The following KCTD17 variants were observed in gnomAD, a reference collection of about 807,000 sequenced individuals.
KCTD17 encodes the protein potassium channel tetramerization domain containing 17, also known as BTB/POZ domain-containing protein KCTD17.
In KCTD17, 20 loss-of-function variants were observed where a neutral mutation model predicts 41.5. That is an observed-to-expected ratio of 0.48 (90% confidence interval 0.34 to 0.70). KCTD17 has a LOEUF of 0.70. Among genes scored for constraint, KCTD17 ranks in the 30% least tolerant of loss-of-function variants. The pLI is 0.01. For missense variants in KCTD17, 317 were observed against 427.2 expected (o/e 0.74, Z 2.27); for synonymous variants, 156 against 173.8 (o/e 0.90, Z 0.80).
At chr22:37,057,579 C>T (rs1925294480) in intron 4 of KCTD17, 86 bp downstream of exon 4, 1 of 1,077,670 alleles carries the variant, frequency 9.3e-7, no homozygotes, top group Non-Finnish European at 1.4e-6. Flanking sequence ...TCCTGCAGCC[C>T]CAGCCTTGGG....
In KCTD17 at chr22:37,062,547, G is replaced by A. The variant is rs143403650; in HGVS notation, c.898G>A (p.Gly300Arg). Reference sequence around the variant, plus strand: ...TAGCTGTTACAAGCCAGAGGCACCCGGATGTGAGGCCCCAGATCACCTCCA... The same window carrying A: ...TAGCTGTTACAAGCCAGAGGCACCCAGATGTGAGGCCCCAGATCACCTCCA... ...HPCCYKPEAP[G>R]CEAPDHLQGL... The change falls in exon 9 of 9, where the codon GGA becomes AGA. Residue 300 changes from glycine to arginine, a missense_variant. This residue lies in a region of KCTD17 where 177 missense variants were observed against 194.4 expected (regional missense o/e 0.91). Transcript: ENST00000403888. 203 of 1,610,262 alleles carry A rather than the reference G, an allele frequency of 1.3e-4. No individual in the cohort carries two copies. Among genetic ancestry groups the A allele is most frequent in the Non-Finnish European group, 1.2e-4 (147 of 1,178,314 alleles).
chr22:37,061,468 C>T lies in KCTD17; in HGVS notation c.785-71C>T, dbSNP rs552040279. On this transcript the variant is annotated intron_variant, in intron 7 of 8. Transcript: ENST00000403888. The surrounding 1 kb of genome is among the most constrained non-coding windows in gnomAD (Gnocchi z 6.6). Reference sequence around the variant, plus strand: ...CTAACCCTGCCGGGCACCTCTGAGACTGGGCCCTGGCTGCAGGCCCTGCCC... The same window carrying T: ...CTAACCCTGCCGGGCACCTCTGAGATTGGGCCCTGGCTGCAGGCCCTGCCC... 2.6e-5 allele frequency: 40 copies of T among 1,537,312 alleles called. No individual in the cohort carries two copies. The highest frequency in any genetic ancestry group is 7.6e-5 in the Admixed American group (4 of 52,814).
intron 4 of KCTD17, among the ~76,000 whole-genome samples, chr22:37,057,719 C>A (rs1452658770): frequency 6.6e-6 from 1 of 152,148 alleles, no homozygotes; most frequent in African/African-American, 2.4e-5. Flanking sequence ...TAGGACAGCA[C>A]GGGGTGTCCT....
intron 1 of KCTD17, chr22:37,052,665 T>C (rs1924635867): frequency 2.1e-6 from 1 of 470,472 alleles, no homozygotes; most frequent in Non-Finnish European, 4.4e-6. Flanking sequence ...CCTGCCTCCC[T>C]GCCCGCCCGA....
intron 4 of KCTD17, among the ~76,000 whole-genome samples, chr22:37,058,315 C>G (rs1925375081): frequency 6.6e-6 from 1 of 152,242 alleles, no homozygotes; most frequent in Non-Finnish European, 1.5e-5. Context: ...GGCTTCACCT[C>G]TAGGCCTTGC....
intron 5 of KCTD17, 56 bp downstream of exon 5, chr22:37,059,494 TC>T: frequency 6.8e-7 from 1 of 1,479,560 alleles, no homozygotes. Flanking sequence ...CCCTCCACCC[TC>T]CCCGCCTGTC....
intron 4 of KCTD17, among the ~76,000 whole-genome samples, chr22:37,057,880 A>G (rs112030530): frequency 8.9e-4 from 136 of 152,340 alleles, no homozygotes; most frequent in African/African-American, 3.0e-3. Flanking sequence ...TAGAACTCAG[A>G]GTCAGCATCA....
chr22:37,061,888 A>C lies in KCTD17; in HGVS notation c.875+259A>C. 4.1e-6 allele frequency: 4 copies of C among 985,428 alleles called. No homozygotes were observed. Among genetic ancestry groups the C allele is most frequent in the Non-Finnish European group, 4.8e-6 (4 of 829,924 alleles). 61.0% of individuals were successfully genotyped at this position (985,428 alleles called of 1,614,324 possible). A position where few individuals can be genotyped will look rare whatever the true frequency, so the allele number is the denominator to read the frequency against. ...CCAGAGGCCCTGGCCAAGTCCCTGC[A>C]CATCCAGGAGCTCCTGTGTCACTGC... On this transcript the variant is annotated intron_variant, in intron 8 of 8. Transcript: ENST00000403888. This position sits in a 1 kb window ranked among gnomAD's most constrained non-coding sequence, Gnocchi z 6.6.
Position 37,059,399 on chromosome 22 carries a change from C to T in KCTD17, c.573C>T (p.Thr191=). The change falls in exon 5 of 9, where the codon ACC becomes ACT. Residue 191 remains threonine, a synonymous_variant. Coordinates refer to ENST00000403888, the MANE Select transcript of KCTD17 (RefSeq NM_001282684.2). ...TGGTGTCCAAGGAGCTCCACAGCAC[C>T]CCAAACGGGCTGAGCTCAGAGTCCA... The part of the protein sequence containing the change: ...LCVVSKELHS[T]PNGLSSESSR... 6.2e-7 allele frequency: 1 copy of T among 1,612,292 alleles called. No individual in the cohort carries two copies. The highest frequency in any genetic ancestry group is 1.1e-5 in the South Asian group (1 of 91,082).
chr22:37,062,198 A>G, intron 8 of KCTD17: 1 of 984,752 alleles, frequency 1.0e-6, no homozygotes, highest in Non-Finnish European at 1.2e-6. Context: ...GCCCTGAGCA[A>G]CCCCCATCCC....
rs578113654 is a variant in KCTD17, at chr22:37,053,844, G to A, written c.298+636G>A. ...AACAGTGGGGAGGCCATGTCTGGGA[G>A]AACGACCTGTTAGCAGAGCTGCAGC... is the stretch of plus-strand genomic sequence containing the variant. On this transcript the variant is annotated intron_variant, in intron 2 of 8. Transcript: ENST00000403888. This position sits in a 1 kb window ranked among gnomAD's most constrained non-coding sequence, Gnocchi z 4.1. 1.3e-5 allele frequency among the ~76,000 whole-genome samples: 2 copies of A among 152,318 alleles called. No individual in the cohort carries two copies. Among genetic ancestry groups the A allele is most frequent in the South Asian group, 4.1e-4 (2 of 4,828 alleles).
chr22:37,059,470 G>T, intron 5 of KCTD17, 32 bp downstream of exon 5: 1 of 1,586,012 alleles, frequency 6.3e-7, no homozygotes. Flanking sequence ...TGTGTCCGGA[G>T]AAGTCTCCTG....
Position 37,052,189 on chromosome 22 carries a change from C to A in KCTD17, c.189+240C>A. On this transcript the variant is annotated intron_variant, in intron 1 of 8. Transcript: ENST00000403888. ...GCGGCCATTAGAAGCTCTCCAGCCG[C>A]CCCGGATCGGGGCCTCTCCTTCTCC... 5 of 503,240 alleles carry A rather than the reference C, an allele frequency of 9.9e-6. No homozygotes were observed. In the South Asian group the frequency reaches 1.6e-4, roughly 16 times the overall value. The allele number at this position is 503,240 out of a possible 1,614,324, so 31.2% of individuals were successfully genotyped here.
Position 37,061,137 on chromosome 22 carries a change from C to A in KCTD17, c.746C>A (p.Ser249Tyr). 1.3e-6 allele frequency: 2 copies of A among 1,551,314 alleles called. No homozygotes were observed. The highest frequency in any genetic ancestry group is 2.0e-5 in the Admixed American group (1 of 50,998). ...QSSQDPANLF[S>Y]LPPLPPPPLP... Reference sequence around the variant, plus strand: ...TCTCAGGATCCCGCTAACCTTTTCTCCCTCCCACCACTGCCTCCTCCTCCG... The same window carrying A: ...TCTCAGGATCCCGCTAACCTTTTCTACCTCCCACCACTGCCTCCTCCTCCG... The change falls in exon 7 of 9, where the codon TCC becomes TAC. Residue 249 changes from serine (S) to tyrosine (Y), a missense_variant. Ser to Tyr is a moderately radical substitution (Grantham distance 144). Transcript: ENST00000403888. The surrounding 1 kb of genome is among the most constrained non-coding windows in gnomAD (Gnocchi z 6.6).
At position 37,061,587 on chromosome 22, in the gene KCTD17, C is replaced by T. The variant is rs1310656561; in HGVS notation, c.833C>T (p.Ala278Val). The change falls in exon 8 of 9, where the codon GCT (alanine) becomes GTT (valine). Residue 278 changes from alanine (A) to valine (V), a missense_variant. Physicochemically the swap from Ala to Val is moderately conservative, Grantham distance 64 (BLOSUM62 0). This residue lies in a region of KCTD17 where 177 missense variants were observed against 194.4 expected (regional missense o/e 0.91). Coordinates refer to ENST00000403888, the MANE Select transcript of KCTD17 (RefSeq NM_001282684.2). The surrounding 1 kb of genome is among the most constrained non-coding windows in gnomAD (Gnocchi z 6.6). Reference protein sequence around the residue: ...LRPEAELAVRASPRPLARPQS... With the variant: ...LRPEAELAVRVSPRPLARPQS... ...CCTGAGGCTGAGCTTGCAGTGAGGGCTTCTCCTCGGCCCCTCGCCCGCCCC... is the reference window on the plus strand; with the variant it reads ...CCTGAGGCTGAGCTTGCAGTGAGGGTTTCTCCTCGGCCCCTCGCCCGCCCC... The T allele has an allele frequency of 2.5e-6, 4 of 1,601,252 alleles. No homozygotes were observed. The African/African-American group carries it at 5.3e-5, about 21-fold the overall frequency.
At chr22:37,058,162 A>G (rs920798235) in intron 4 of KCTD17, among the ~76,000 whole-genome samples, 5 of 152,222 alleles carry the variant, frequency 3.3e-5, no homozygotes, top group African/African-American at 4.8e-5. Flanking sequence ...AAGTGCCTTT[A>G]GAGAAGGAGA....
In KCTD17 at chr22:37,062,818, T is replaced by C. The variant is rs1240067879; in HGVS notation, c.*224T>C. Reference sequence around the variant, plus strand: ...GTGTGGCAATGTCTGGCTGTGTCTCTCCGGCACCTGCGTCCCCTCTCCCGG... The same window carrying C: ...GTGTGGCAATGTCTGGCTGTGTCTCCCCGGCACCTGCGTCCCCTCTCCCGG... On this transcript the variant is annotated 3_prime_UTR_variant, in exon 9 of 9. Coordinates refer to ENST00000403888, the MANE Select transcript of KCTD17 (RefSeq NM_001282684.2). 6.0e-6 allele frequency: 6 copies of C among 1,006,450 alleles called. No homozygotes were observed. The East Asian group carries it at 1.6e-4, about 28-fold the overall frequency. 62.3% of individuals were successfully genotyped at this position (1,006,450 alleles called of 1,614,324 possible).
chr22:37,059,903 G>A (rs1287588062), intron 5 of KCTD17, among the ~76,000 whole-genome samples: 2 of 152,320 alleles, frequency 1.3e-5, no homozygotes, highest in Admixed American at 1.3e-4. Flanking sequence ...ACAGGTGCAT[G>A]TCCCCAGCTG....
rs550513336 is a variant in KCTD17 at position 37,061,983 on chromosome 22, G to A, written c.875+354G>A. On this transcript the variant is annotated intron_variant, in intron 8 of 8. Transcript: ENST00000403888. The surrounding 1 kb of genome is among the most constrained non-coding windows in gnomAD (Gnocchi z 6.6). ...CTTTTGGATACCCTTGGCCCATGAA[G>A]TGTCAGCCAGAGTGGCTTAAGGATT... The A allele has an allele frequency of 4.1e-6, 4 of 985,422 alleles. No homozygotes were observed. The highest frequency in any genetic ancestry group is 6.1e-5 in the Admixed American group (1 of 16,288). 61.0% of individuals were successfully genotyped at this position (985,422 alleles called of 1,614,324 possible).
Sources: gnomAD v4.1 joint callset for allele counts (sites outside exome capture counted in the v4.1 genomes callset) on GRCh38, gnomAD v4.1.1 for gene constraint, gnomAD v4.1.1 regional missense constraint, Gnocchi (gnomAD v3.1) non-coding constraint, MANE v1.5 for transcripts, NCBI Gene and HGNC (gene_info 2026-07-23, HGNC 2026-07-21) for gene names.